The following TP53BP1 variants were observed in gnomAD, a reference collection of about 807,000 sequenced individuals.
TP53BP1 encodes TP53-binding protein 1.
Under a neutral mutation model 200.8 loss-of-function variants are expected in TP53BP1, and 61 were observed. The observed-to-expected ratio is 0.30, with a 90% confidence interval of 0.25 to 0.38. TP53BP1 has a LOEUF of 0.38. TP53BP1 is among the 10% of genes least tolerant of loss of function. The pLI is 1.00. For synonymous variants in TP53BP1, 822 were observed against 844.3 expected (o/e 0.97, Z 0.46); for missense variants, 2,144 against 2,371.9 (o/e 0.90, Z 2.00).
Position 43,476,380 on chromosome 15 carries a change from G to A in TP53BP1, c.956-686C>T, listed in dbSNP as rs914840767. On this transcript the variant is annotated intron_variant, in intron 8 of 27. Coordinates refer to ENST00000382044, the MANE Select transcript of TP53BP1 (RefSeq NM_001141980.3). ...CAGCAAATGAGCCTTTTATTCCAACGTCTACCTTAGGTGAAGTCAAGCTCA... is the reference window on the plus strand; with the variant it reads ...CAGCAAATGAGCCTTTTATTCCAACATCTACCTTAGGTGAAGTCAAGCTCA... Among the ~76,000 whole-genome samples the A allele has an allele frequency of 3.3e-5, 5 of 152,268 alleles. No homozygotes were observed. In the South Asian group the frequency reaches 6.2e-4, roughly 19 times the overall value.
chr15:43,467,155 G>C (rs1366484990), intron 11 of TP53BP1, among the ~76,000 whole-genome samples: 1 of 151,628 alleles, frequency 6.6e-6, no homozygotes, highest in African/African-American at 2.4e-5. Flanking sequence ...CCAGATTCAA[G>C]CAATTCTCCA....
At chr15:43,499,032 A>C (rs2079196224) in intron 1 of TP53BP1, among the ~76,000 whole-genome samples, 3 of 151,980 alleles carry the variant, frequency 2.0e-5, no homozygotes, top group Non-Finnish European at 2.9e-5. Flanking sequence ...AAAAAAAAAA[A>C]CAAAACAAAC....
At chr15:43,417,943 G>A (rs2045305463) in intron 21 of TP53BP1, among the ~76,000 whole-genome samples, 1 of 152,104 alleles carries the variant, frequency 6.6e-6, no homozygotes, top group East Asian at 1.9e-4. Flanking sequence ...ACTTTGGGAG[G>A]CTGGGGCGGG....
intron 11 of TP53BP1, among the ~76,000 whole-genome samples, chr15:43,468,062 G>A (rs1022149928): frequency 6.6e-6 from 1 of 152,026 alleles, no homozygotes; most frequent in African/African-American, 2.4e-5. Context: ...TGGGATTACA[G>A]GCATGAGCCA....
rs1055749713 is a variant in TP53BP1, at chr15:43,403,610, T to C, written c.*3773A>G. 7.2e-6 allele frequency: 8 copies of C among 1,108,708 alleles called. No homozygotes were observed. Among genetic ancestry groups the C allele is most frequent in the Non-Finnish European group, 9.5e-6 (7 of 740,038 alleles). 68.7% of individuals were successfully genotyped at this position (1,108,708 alleles called of 1,614,324 possible). ...TAATTAGATCAGCTATTAATCAGAC[T>C]GTTCTCCTAACACTTTAACTTCATG... On this transcript the variant is annotated 3_prime_UTR_variant, in exon 28 of 28. Coordinates refer to ENST00000382044, the MANE Select transcript of TP53BP1 (RefSeq NM_001141980.3).
chr15:43,424,340 T>C (rs1261094797), intron 18 of TP53BP1, among the ~76,000 whole-genome samples: 2 of 152,210 alleles, frequency 1.3e-5, no homozygotes, highest in Non-Finnish European at 2.9e-5. Flanking sequence ...TCCACTAACA[T>C]TCTCCAAATC....
At chr15:43,444,136 A>C (rs767098996) in intron 14 of TP53BP1, among the ~76,000 whole-genome samples, 3 of 152,250 alleles carry the variant, frequency 2.0e-5, no homozygotes, top group Non-Finnish European at 4.4e-5. Context: ...AGTCCTTGAT[A>C]CTATGCTCCT....
chr15:43,489,960 T>C (rs1462954704), intron 4 of TP53BP1, among the ~76,000 whole-genome samples: 1 of 152,174 alleles, frequency 6.6e-6, no homozygotes, highest in African/African-American at 2.4e-5. Context: ...TCAACCAGGC[T>C]GGAGTGCAGC....
chr15:43,446,707 G>A lies in TP53BP1; in HGVS notation c.2837-117C>T, dbSNP rs374923225. 1.4e-4 allele frequency: 209 copies of A among 1,536,894 alleles called. 1 individual carries two copies. The East Asian group carries it at 1.8e-3, about 13-fold the overall frequency. ...GCTCCACAGCTCTGCAGGATTGAAG[G>A]AGGTTCCTAGGATAGATCCCTGTCA... On this transcript the variant is annotated intron_variant, in intron 13 of 27. Coordinates refer to ENST00000382044, the MANE Select transcript of TP53BP1 (RefSeq NM_001141980.3).
chr15:43,510,075 C>G (rs948382381), intron 1 of TP53BP1, among the ~76,000 whole-genome samples: 4 of 150,260 alleles, frequency 2.7e-5, no homozygotes, highest in Non-Finnish European at 2.9e-5. Flanking sequence ...AGTGCAAGGC[C>G]TCCTCAGTCC....
chr15:43,411,758 TAC>T (rs1218637731), intron 24 of TP53BP1, among the ~76,000 whole-genome samples: 1 of 152,232 alleles, frequency 6.6e-6, no homozygotes, highest in African/African-American at 2.4e-5. Context: ...TTTTTATGAG[TAC>T]AGTTTTATTA....
intron 23 of TP53BP1, among the ~76,000 whole-genome samples, chr15:43,413,863 C>T (rs1444193614): frequency 6.6e-6 from 1 of 151,856 alleles, no homozygotes; most frequent in Non-Finnish European, 1.5e-5. Context: ...CCATCACTGA[C>T]CGTCACCAGA....
chr15:43,412,821 C>A (rs1031042194), intron 24 of TP53BP1: 143 of 508,300 alleles, frequency 2.8e-4, no homozygotes, highest in Admixed American at 1.1e-3. Context: ...ACAAAAAAAA[C>A]ACAATTATTT....
chr15:43,433,100 C>T (rs2142998681), intron 16 of TP53BP1, among the ~76,000 whole-genome samples: 1 of 152,124 alleles, frequency 6.6e-6, no homozygotes, highest in East Asian at 1.9e-4. Flanking sequence ...TATGATGGTT[C>T]TAACATTCCT....
intron 15 of TP53BP1, among the ~76,000 whole-genome samples, chr15:43,439,547 C>CA (rs1566934451): frequency 6.6e-6 from 1 of 152,088 alleles, no homozygotes; most frequent in Non-Finnish European, 1.5e-5. Context: ...AACAAACAAA[C>CA]AAAAAATCTC....
At chr15:43,438,147 G>A (rs1315237351) in intron 16 of TP53BP1, among the ~76,000 whole-genome samples, 177 bp downstream of exon 16, 1 of 152,162 alleles carries the variant, frequency 6.6e-6, no homozygotes, top group Non-Finnish European at 1.5e-5. Context: ...TGTATGTGTG[G>A]TCAACTTCTG....
chr15:43,468,310 T>G (rs9920763), intron 11 of TP53BP1, among the ~76,000 whole-genome samples: 17,864 of 151,990 alleles, frequency 0.12, 1,165 homozygotes, highest in East Asian at 0.19. Flanking sequence ...ACTGGGAGGC[T>G]GAGAGAGGAG....
Position 43,414,087 on chromosome 15 carries a change from T to A in TP53BP1, c.5090-753A>T, listed in dbSNP as rs1454404433. On this transcript the variant is annotated intron_variant, in intron 23 of 27. Coordinates refer to ENST00000382044, the MANE Select transcript of TP53BP1 (RefSeq NM_001141980.3). ...CTGAATCGTAGGTTCATTAGGAGGC[T>A]AAGATGACAGACAGGTCATGCATGC... 4 of 469,514 alleles carry A rather than the reference T, an allele frequency of 8.5e-6. No individual in the cohort carries two copies. In the Admixed American group the frequency reaches 9.5e-5, roughly 11 times the overall value. 29.1% of individuals were successfully genotyped at this position (469,514 alleles called of 1,614,324 possible).
In TP53BP1 at chr15:43,416,336, G is replaced by A. The variant is rs2045264839; in HGVS notation, c.4762C>T (p.Arg1588Ter). 1.2e-6 allele frequency: 2 copies of A among 1,614,148 alleles called. No individual in the cohort carries two copies. Among genetic ancestry groups the A allele is most frequent in the Admixed American group, 1.7e-5 (1 of 60,016 alleles). ...EKEGQRKWYK[R>*]MAVILSLEQG... ...TCCAAGGACAGGATGACAGCCATTC[G>A]CTTATACCACTTTCTTTGGCCTTCT... Residue 1588 changes from arginine (R) to a stop codon, truncating the protein, a stop_gained, in exon 22 of 28, where the codon CGA (arginine) becomes TGA (stop). Transcript: ENST00000382044. LOFTEE classifies it high-confidence loss of function.
Sources: allele counts gnomAD v4.1 joint callset (sites outside exome capture counted in the v4.1 genomes callset), GRCh38; gene constraint gnomAD v4.1.1; transcripts MANE v1.5; gene names NCBI Gene and HGNC (gene_info 2026-07-23, HGNC 2026-07-21).